Variants in CFAP299 observed in about 807,000 individuals in gnomAD.
CFAP299 encodes cilia- and flagella-associated protein 299.
Under a neutral mutation model 27.0 loss-of-function variants are expected in CFAP299, and 21 were observed. The ratio of observed to expected loss-of-function variants is 0.78; its 90% CI spans 0.55 to 1.12. The LOEUF (loss-of-function observed/expected upper bound fraction) is 1.12. CFAP299 is among the 50% of genes most tolerant of loss of function. CFAP299 has a pLI of 0.00. For missense variants in CFAP299, 310 were observed against 276.6 expected, an observed-to-expected ratio of 1.12 and a Z score of -0.86; for synonymous variants, 104 against 98.1, an observed-to-expected ratio of 1.06 and a Z score of -0.36.
intron 2 of CFAP299, among the ~76,000 whole-genome samples, chr4:80,450,935 G>A (rs1333768387): frequency 6.6e-6 from 1 of 151,548 alleles, no homozygotes; most frequent in Non-Finnish European, 1.5e-5. Flanking sequence ...GAGCATTTGG[G>A]TGTGTGAGAG....
intron 3 of CFAP299, among the ~76,000 whole-genome samples, chr4:80,663,837 G>A (rs1056515352): frequency 6.6e-6 from 1 of 152,122 alleles, no homozygotes; most frequent in African/African-American, 2.4e-5. Context: ...TCTATCTGTG[G>A]TGAGATGGTA....
chr4:80,912,401 G>A (rs1039646438), intron 4 of CFAP299, among the ~76,000 whole-genome samples: 4 of 152,082 alleles, frequency 2.6e-5, no homozygotes, highest in African/African-American at 9.7e-5. Flanking sequence ...ATTCTGCATG[G>A]CCTAAGAGAG....
intron 4 of CFAP299, among the ~76,000 whole-genome samples, chr4:80,892,675 A>AT (rs1734367900): frequency 6.6e-6 from 1 of 152,196 alleles, no homozygotes; most frequent in African/African-American, 2.4e-5. Context: ...ATAAAAATCA[A>AT]TATATTTCAA....
At chr4:80,815,386 GA>G (rs1337705789) in intron 3 of CFAP299, among the ~76,000 whole-genome samples, 1 of 151,840 alleles carries the variant, frequency 6.6e-6, no homozygotes, top group African/African-American at 2.4e-5. Flanking sequence ...TAAAGTCTCA[GA>G]AAGTTACTAA....
At chr4:80,770,490 C>G (rs2110083449) in intron 3 of CFAP299, among the ~76,000 whole-genome samples, 1 of 152,216 alleles carries the variant, frequency 6.6e-6, no homozygotes, top group South Asian at 2.1e-4. Context: ...CATTACATAA[C>G]AGAGGTCATC....
chr4:80,919,385 C>T (rs1264050587), intron 4 of CFAP299, among the ~76,000 whole-genome samples: 2 of 152,102 alleles, frequency 1.3e-5, no homozygotes, highest in Non-Finnish European at 2.9e-5. Flanking sequence ...AAGGATTTAG[C>T]CTCTGGTCAT....
intron 3 of CFAP299, among the ~76,000 whole-genome samples, chr4:80,635,652 AAGAT>A (rs1416548722): frequency 1.3e-5 from 2 of 152,310 alleles, no homozygotes; most frequent in Non-Finnish European, 2.9e-5. Flanking sequence ...GAGAAACATA[AAGAT>A]AAAGTGAATG....
At chr4:80,689,919 A>G (rs1298320615) in intron 3 of CFAP299, among the ~76,000 whole-genome samples, 10 of 151,792 alleles carry the variant, frequency 6.6e-5, no homozygotes, top group Non-Finnish European at 4.4e-5. Context: ...CAGACTTTAA[A>G]CCAACAAAGA....
intron 3 of CFAP299, among the ~76,000 whole-genome samples, chr4:80,666,206 G>A (rs1475024002): frequency 2.0e-5 from 3 of 151,986 alleles, no homozygotes; most frequent in African/African-American, 4.8e-5. Flanking sequence ...TACCTTAGGC[G>A]TACTACTTCT....
intron 2 of CFAP299, among the ~76,000 whole-genome samples, chr4:80,438,713 T>C (rs1320964167): frequency 6.6e-6 from 1 of 152,226 alleles, no homozygotes; most frequent in African/African-American, 2.4e-5. Flanking sequence ...TTTTTCTCAA[T>C]TGTAATTTAC....
intron 2 of CFAP299, among the ~76,000 whole-genome samples, chr4:80,458,054 T>G (rs780434991): frequency 6.6e-6 from 1 of 152,132 alleles, no homozygotes; most frequent in Non-Finnish European, 1.5e-5. Context: ...TTCACCATTT[T>G]TTTGATTCTC....
chr4:80,845,518 C>T (rs910219747), intron 3 of CFAP299, among the ~76,000 whole-genome samples: 1 of 152,156 alleles, frequency 6.6e-6, no homozygotes, highest in Admixed American at 6.6e-5. Flanking sequence ...GCCACATTGA[C>T]TTTCTTTCCA....
At chr4:80,784,753 C>G (rs1339125038) in intron 3 of CFAP299, among the ~76,000 whole-genome samples, 4 of 151,996 alleles carry the variant, frequency 2.6e-5, no homozygotes, top group Non-Finnish European at 5.9e-5. Flanking sequence ...CAACTCCCGA[C>G]CTCAGATGAT....
intron 3 of CFAP299, among the ~76,000 whole-genome samples, chr4:80,725,839 A>G (rs1435274936): frequency 6.6e-6 from 1 of 152,106 alleles, no homozygotes; most frequent in Non-Finnish European, 1.5e-5. Flanking sequence ...ACTTCATTAT[A>G]CTTTTGTAGT....
chr4:80,871,296 C>G, intron 4 of CFAP299: 1 of 985,404 alleles, frequency 1.0e-6, no homozygotes, highest in African/African-American at 1.7e-5. Context: ...TGCCCATTGC[C>G]CATGTCTTTT....
At chr4:80,325,658 G>A in the CFAP299 span, among the ~76,000 whole-genome samples, 4 of 152,128 alleles carry the variant, frequency 2.6e-5, no homozygotes, top group Non-Finnish European at 4.4e-5. Flanking sequence ...TTGTTTCTTA[G>A]AAATCATAAC....
At chr4:80,683,108 A>C (rs1719948715) in intron 3 of CFAP299, among the ~76,000 whole-genome samples, 1 of 152,148 alleles carries the variant, frequency 6.6e-6, no homozygotes, top group Non-Finnish European at 1.5e-5. Context: ...CTCTATCTCC[A>C]AGATAAGAAT....
intron 2 of CFAP299, among the ~76,000 whole-genome samples, chr4:80,447,125 T>TTTG (rs1553923894): frequency 1.4e-4 from 16 of 118,272 alleles, no homozygotes; most frequent in African/African-American, 5.6e-4. Flanking sequence ...ATTTGTTTTT[T>TTTG]TTTTGTTTTT....
chr4:80,525,304 C>T (rs1733116234), intron 2 of CFAP299, among the ~76,000 whole-genome samples: 1 of 152,108 alleles, frequency 6.6e-6, no homozygotes, highest in South Asian at 2.1e-4. Context: ...ATGTGTCGGC[C>T]ACAGTGGAAA....
Sources: allele counts gnomAD v4.1 joint callset (sites outside exome capture counted in the v4.1 genomes callset), GRCh38; gene constraint gnomAD v4.1.1; transcripts MANE v1.5; gene names NCBI Gene and HGNC (gene_info 2026-07-23, HGNC 2026-07-21).